GRM3: variants seen among roughly 807,000 people sequenced by gnomAD.
The protein encoded by GRM3 is metabotropic glutamate receptor 3.
A neutral mutation model predicts 70.5 loss-of-function variants in GRM3; 26 were observed. That is an observed-to-expected ratio of 0.37 (90% CI 0.27 to 0.51). GRM3 has a LOEUF of 0.51. Ranked by LOEUF, GRM3 falls within the 20% of genes least tolerant of loss-of-function variation. The pLI is 0.93. For synonymous variants in GRM3, 443 were observed against 434.9 expected, an observed-to-expected ratio of 1.02 and a Z score of -0.23; for missense variants, 859 against 1,123.8, an observed-to-expected ratio of 0.76 and a Z score of 3.37.
chr7:86,864,014 T>A (rs1194867030), intron 5 of GRM3, among the ~76,000 whole-genome samples: 3 of 150,252 alleles, frequency 2.0e-5, no homozygotes, highest in African/African-American at 7.6e-5. Flanking sequence ...AATTTAATTT[T>A]ATTTTTTTTC....
At chr7:86,826,761 G>A (rs1235096446) in intron 3 of GRM3, among the ~76,000 whole-genome samples, 1 of 152,008 alleles carries the variant, frequency 6.6e-6, no homozygotes, top group African/African-American at 2.4e-5. Flanking sequence ...TGACATTTTG[G>A]GCCAGGTATG....
intron 1 of GRM3, among the ~76,000 whole-genome samples, chr7:86,672,010 C>G (rs574642744): frequency 6.6e-6 from 1 of 152,134 alleles, no homozygotes. Flanking sequence ...CCTGTTGCTG[C>G]CACTTCTCTG....
intron 1 of GRM3, among the ~76,000 whole-genome samples, chr7:86,756,814 A>G (rs1293223182): frequency 4.6e-5 from 7 of 152,086 alleles, no homozygotes; most frequent in Non-Finnish European, 8.8e-5. Flanking sequence ...CTCCTTCTGA[A>G]ACATTAATTT....
At chr7:86,833,116 T>G in intron 3 of GRM3, 1 of 981,442 alleles carries the variant, frequency 1.0e-6, no homozygotes, top group East Asian at 1.1e-4. Flanking sequence ...GAGACTTAAC[T>G]TGAGAAACAG....
At chr7:86,675,932 G>A (rs1049990493) in intron 1 of GRM3, among the ~76,000 whole-genome samples, 2 of 151,744 alleles carry the variant, frequency 1.3e-5, no homozygotes, top group African/African-American at 4.8e-5. Flanking sequence ...TCTTTATTCT[G>A]TTAATTCTTT....
At position 86,765,026 on chromosome 7, in the gene GRM3, T is replaced by C; in HGVS notation, c.-120T>C. ...TTTAGGAATTTTGTGACAGGCTCTGTTAGTCTGTTCCTCCCTTATTTGAAG... is the reference window on the plus strand; with the variant it reads ...TTTAGGAATTTTGTGACAGGCTCTGCTAGTCTGTTCCTCCCTTATTTGAAG... On this transcript the variant is annotated 5_prime_UTR_variant, in exon 2 of 6. Transcript: ENST00000361669. 2.0e-6 allele frequency: 3 copies of C among 1,485,008 alleles called. No homozygotes were observed. The highest frequency in any genetic ancestry group is 2.7e-6 in the Non-Finnish European group (3 of 1,126,264). 92.0% of individuals were successfully genotyped at this position (1,485,008 alleles called of 1,614,324 possible). A position where few individuals can be genotyped will look rare whatever the true frequency, so the allele number is the denominator to read the frequency against.
intron 1 of GRM3, among the ~76,000 whole-genome samples, chr7:86,739,819 T>C (rs1293611664): frequency 6.6e-6 from 1 of 152,214 alleles, no homozygotes; most frequent in Non-Finnish European, 1.5e-5. Context: ...AGAAAGATTA[T>C]CTAAGGCTCA....
intron 1 of GRM3, among the ~76,000 whole-genome samples, chr7:86,673,154 T>G (rs1301150690): frequency 6.6e-6 from 1 of 152,116 alleles, no homozygotes; most frequent in African/African-American, 2.4e-5. Context: ...ATCAAAGGCA[T>G]GACTGAGCAC....
chr7:86,692,409 C>T (rs1429423914), intron 1 of GRM3, among the ~76,000 whole-genome samples: 1 of 152,184 alleles, frequency 6.6e-6, no homozygotes, highest in Non-Finnish European at 1.5e-5. Flanking sequence ...TCTTGCTGTT[C>T]TTCAAACATT....
At chr7:86,848,455 C>G (rs966621714) in intron 4 of GRM3, among the ~76,000 whole-genome samples, 3 of 152,160 alleles carry the variant, frequency 2.0e-5, no homozygotes, top group Middle Eastern at 3.2e-3. Flanking sequence ...CTTCAGATGC[C>G]TGGAAGATGA....
At chr7:86,782,113 C>A (rs1479805004) in intron 2 of GRM3, among the ~76,000 whole-genome samples, 7 of 152,128 alleles carry the variant, frequency 4.6e-5, no homozygotes, top group Non-Finnish European at 1.0e-4. Flanking sequence ...TAGAAGATTA[C>A]CAAAGCACAT....
chr7:86,720,373 G>A (rs1242091238), intron 1 of GRM3, among the ~76,000 whole-genome samples: 1 of 152,054 alleles, frequency 6.6e-6, no homozygotes, highest in Non-Finnish European at 1.5e-5. Context: ...GCACTAAAAT[G>A]AGGGTACCAT....
intron 2 of GRM3, among the ~76,000 whole-genome samples, chr7:86,778,617 ATAGAG>A (rs764067728): frequency 6.6e-6 from 1 of 152,204 alleles, no homozygotes; most frequent in African/African-American, 2.4e-5. Flanking sequence ...CAGGAAAAGA[ATAGAG>A]TAAACTGCCT....
intron 2 of GRM3, among the ~76,000 whole-genome samples, chr7:86,778,981 G>A (rs559407116): frequency 6.6e-6 from 1 of 152,060 alleles, no homozygotes; most frequent in East Asian, 1.9e-4. Flanking sequence ...AGCAAAATTT[G>A]GATACACACA....
chr7:86,689,211 T>TA (rs1794640064), intron 1 of GRM3, among the ~76,000 whole-genome samples: 2 of 151,694 alleles, frequency 1.3e-5, no homozygotes, highest in African/African-American at 4.8e-5. Context: ...GATTTCAAGG[T>TA]AAAAATGTCA....
intron 3 of GRM3, among the ~76,000 whole-genome samples, chr7:86,827,306 GTAAA>G (rs1798253854): frequency 2.0e-5 from 3 of 152,232 alleles, no homozygotes; most frequent in Admixed American, 1.3e-4. Context: ...TAGCCATAAA[GTAAA>G]TAATTCATAA....
chr7:86,817,456 C>T (rs1331500466), intron 3 of GRM3, among the ~76,000 whole-genome samples: 8 of 151,850 alleles, frequency 5.3e-5, no homozygotes, highest in Non-Finnish European at 1.2e-4. Context: ...AAATATAGCT[C>T]ATTTTCTCCA....
chr7:86,660,145 A>C (rs1227600909), intron 1 of GRM3, among the ~76,000 whole-genome samples: 1 of 152,092 alleles, frequency 6.6e-6, no homozygotes, highest in Non-Finnish European at 1.5e-5. Flanking sequence ...GGAGATAATT[A>C]CAGGAATACA....
chr7:86,864,295 G>GT lies in GRM3; in HGVS notation c.2581dup (p.Tyr861LeufsTer34). 1 of 1,588,932 alleles carries GT rather than the reference G, an allele frequency of 6.3e-7. No individual in the cohort carries two copies. The highest frequency in any genetic ancestry group is 1.1e-5 in the South Asian group (1 of 90,534). ...TTTGTTTTCCAGCCTCTGCAAGCAC[G>GT]TATGTGCCAACGGTGTGCAATGGGC... On this transcript the variant is annotated frameshift_variant, in exon 6 of 6. Transcript: ENST00000361669. LOFTEE classifies it high-confidence loss of function.
Sources: allele counts gnomAD v4.1 joint callset (sites outside exome capture counted in the v4.1 genomes callset), GRCh38; gene constraint gnomAD v4.1.1; transcripts MANE v1.5; gene names NCBI Gene and HGNC (gene_info 2026-07-23, HGNC 2026-07-21).